The following PTPRS variants were observed in gnomAD, a reference collection of about 807,000 sequenced individuals.
PTPRS encodes the protein receptor-type tyrosine-protein phosphatase S.
In PTPRS, 63 loss-of-function variants were observed where a neutral mutation model predicts 215.3. That is an observed-to-expected ratio of 0.29 (90% confidence interval 0.24 to 0.36). The LOEUF (loss-of-function observed/expected upper bound fraction) is 0.36, where lower values mean the gene tolerates loss of function less well. Ranked by LOEUF, PTPRS falls within the 10% of genes least tolerant of loss-of-function variation. PTPRS has a pLI of 1.00. For synonymous variants in PTPRS, 1,404 were observed against 1,191.4 expected, an observed-to-expected ratio of 1.18 and a Z score of -3.68; for missense variants, 2,258 against 2,825.8, an observed-to-expected ratio of 0.80 and a Z score of 4.56.
intron 1 of PTPRS, among the ~76,000 whole-genome samples, chr19:5,305,000 G>C (rs1279579222): frequency 1.3e-5 from 2 of 152,016 alleles, no homozygotes; most frequent in African/African-American, 4.8e-5. Context: ...CAGAGCTCAG[G>C]TGGGGGCATG....
rs533187409 is a variant in PTPRS, at chr19:5,295,160, G to A, written c.-94-8926C>T. On this transcript the variant is annotated intron_variant, in intron 1 of 37. Coordinates refer to ENST00000262963, the MANE Select transcript of PTPRS (RefSeq NM_002850.4). This position sits in a 1 kb window ranked among gnomAD's most constrained non-coding sequence, Gnocchi z 4.6. ...TGCCCCGTGTGTCAAGAAAGCACCCGTACCTCTCGGGCCGACAGTTTCCCC... is the reference window on the plus strand; with the variant it reads ...TGCCCCGTGTGTCAAGAAAGCACCCATACCTCTCGGGCCGACAGTTTCCCC... Among the ~76,000 whole-genome samples, 11 of 152,318 alleles carry A rather than the reference G, an allele frequency of 7.2e-5. No homozygotes were observed. In the South Asian group the frequency reaches 1.9e-3, roughly 26 times the overall value.
chr19:5,286,373 G>A, intron 1 of PTPRS, 139 bp from the exon 2 acceptor site: 1 of 553,932 alleles, frequency 1.8e-6, no homozygotes, highest in Non-Finnish European at 3.3e-6. Context: ...AGGATCATGG[G>A]GTGATGGGAT....
chr19:5,319,433 T>TA (rs397686241), intron 1 of PTPRS, among the ~76,000 whole-genome samples: 12,315 of 145,474 alleles, frequency 0.085, 640 homozygotes, highest in Non-Finnish European at 0.13. Context: ...TTTTTTTTTT[T>TA]AAAAAGCTAT....
intron 1 of PTPRS, among the ~76,000 whole-genome samples, chr19:5,304,674 G>T (rs2049419615): frequency 6.6e-6 from 1 of 151,986 alleles, no homozygotes; most frequent in Non-Finnish European, 1.5e-5. Flanking sequence ...AACAAAAAGA[G>T]ATCAGGGCTG....
chr19:5,254,630 G>A (rs2045414686), intron 9 of PTPRS, among the ~76,000 whole-genome samples: 1 of 152,120 alleles, frequency 6.6e-6, no homozygotes, highest in Admixed American at 6.6e-5. Context: ...AGGTTCCCCT[G>A]GGCTTTTTCC....
At chr19:5,215,673 C>A in intron 26 of PTPRS, 78 bp from the exon 27 acceptor site, 1 of 1,023,954 alleles carries the variant, frequency 9.8e-7, no homozygotes, top group South Asian at 1.5e-5. Flanking sequence ...GGGTGATCTA[C>A]GTGTGAGTCT....
intron 1 of PTPRS, among the ~76,000 whole-genome samples, chr19:5,307,036 G>A (rs2049519976): frequency 6.6e-6 from 1 of 152,178 alleles, no homozygotes; most frequent in South Asian, 2.1e-4. Flanking sequence ...CAGGCACAGT[G>A]GCTCACGCCT....
chr19:5,266,196 T>G (rs995921835), intron 4 of PTPRS, among the ~76,000 whole-genome samples: 1 of 151,696 alleles, frequency 6.6e-6, no homozygotes, highest in Non-Finnish European at 1.5e-5. Context: ...GAGACGGAGG[T>G]TGTGGTGAGC....
chr19:5,297,783 TTTC>T, intron 1 of PTPRS, among the ~76,000 whole-genome samples: 1 of 146,938 alleles, frequency 6.8e-6, no homozygotes, highest in Non-Finnish European at 1.5e-5. Flanking sequence ...CAGTCTTTCT[TTTC>T]TTTTCTTTTT....
At chr19:5,322,898 AAAGAAGAAG>A (rs34686027) in intron 1 of PTPRS, among the ~76,000 whole-genome samples, 1 of 120,288 alleles carries the variant, frequency 8.3e-6, no homozygotes, top group Non-Finnish European at 1.7e-5. Flanking sequence ...AAAAAAAAAA[AAAGAAGAAG>A]AAGAAGAAGA....
chr19:5,244,983 C>CT lies in PTPRS; in HGVS notation c.989-502dup, dbSNP rs34897765. On this transcript the variant is annotated intron_variant, in intron 10 of 37. Transcript: ENST00000262963. This position sits in a 1 kb window ranked among gnomAD's most constrained non-coding sequence, Gnocchi z 7.2. ...GCACCCGGCCTTTTTTTTCTTTTTT[C>CT]TTTTTTTTTTTTTTTAGACGGAGCC... Among the ~76,000 whole-genome samples the CT allele has an allele frequency of 0.063, 6,778 of 108,146 alleles. 231 individuals are homozygous for CT. The highest frequency in any genetic ancestry group is 0.098 in the Middle Eastern group (12 of 122). The allele number at this position is 108,146 out of a possible 152,430, so 70.9% of individuals were successfully genotyped here. A position where few individuals can be genotyped will look rare whatever the true frequency, so the allele number is the denominator to read the frequency against.
rs772131204 is a variant in PTPRS, at chr19:5,286,179, T to C, written c.-39A>G. Reference sequence around the variant, plus strand: ...CTCCGATCTCCGCCCTGGAGGGGGATGGCCCCCCGGTCCCTCACAGAGAGG... The same window carrying C: ...CTCCGATCTCCGCCCTGGAGGGGGACGGCCCCCCGGTCCCTCACAGAGAGG... On this transcript the variant is annotated 5_prime_UTR_variant, in exon 2 of 38. Coordinates refer to ENST00000262963, the MANE Select transcript of PTPRS (RefSeq NM_002850.4). 6.2e-7 allele frequency: 1 copy of C among 1,605,982 alleles called. No individual in the cohort carries two copies. The highest frequency in any genetic ancestry group is 1.1e-5 in the South Asian group (1 of 90,052).
intron 16 of PTPRS, among the ~76,000 whole-genome samples, chr19:5,227,727 G>A (rs904870457): frequency 2.0e-5 from 3 of 152,102 alleles, no homozygotes; most frequent in African/African-American, 4.8e-5. Flanking sequence ...GTTTTGTTCC[G>A]ATTAACATCC....
intron 13 of PTPRS, among the ~76,000 whole-genome samples, chr19:5,234,051 G>A (rs1174251569): frequency 6.7e-6 from 1 of 149,290 alleles, no homozygotes; most frequent in Non-Finnish European, 1.5e-5. Context: ...CATGTGCCAG[G>A]TGTCATGCCA....
intron 1 of PTPRS, among the ~76,000 whole-genome samples, chr19:5,312,171 G>A (rs563506707): frequency 3.2e-4 from 49 of 152,232 alleles, no homozygotes; most frequent in Non-Finnish European, 4.0e-4. Context: ...GGGCATGTCC[G>A]TCAGGAGGGG....
At chr19:5,332,176 G>C (rs2050348384) in intron 1 of PTPRS, among the ~76,000 whole-genome samples, 1 of 151,902 alleles carries the variant, frequency 6.6e-6, no homozygotes, top group Non-Finnish European at 1.5e-5. Flanking sequence ...GCCCAGGCTG[G>C]AGTGCAAGTG....
chr19:5,290,429 T>TG (rs1257162598), intron 1 of PTPRS, among the ~76,000 whole-genome samples: 20 of 152,104 alleles, frequency 1.3e-4, no homozygotes, highest in Non-Finnish European at 2.9e-5. Context: ...GCGGTGCTAA[T>TG]GGGGGGCGAG....
At chr19:5,328,629 C>T (rs2050234097) in intron 1 of PTPRS, among the ~76,000 whole-genome samples, 1 of 152,180 alleles carries the variant, frequency 6.6e-6, no homozygotes, top group South Asian at 2.1e-4. Context: ...GCTGGGAACC[C>T]AGTCTCCTGG....
intron 13 of PTPRS, 35 bp downstream of exon 13, chr19:5,238,884 T>C (rs2043722691): frequency 6.4e-7 from 1 of 1,555,338 alleles, no homozygotes; most frequent in African/African-American, 1.4e-5. Flanking sequence ...CCGTGGTCCC[T>C]CCCGCAGAGA....
Sources: gnomAD v4.1 joint callset for allele counts (sites outside exome capture counted in the v4.1 genomes callset) on GRCh38, gnomAD v4.1.1 for gene constraint, Gnocchi (gnomAD v3.1) non-coding constraint, MANE v1.5 for transcripts, NCBI Gene and HGNC (gene_info 2026-07-23, HGNC 2026-07-21) for gene names.